LINGO2: variants seen among roughly 807,000 people sequenced by gnomAD.
LINGO2 encodes the protein leucine rich repeat and Ig domain containing 2.
A neutral mutation model predicts 30.6 loss-of-function variants in LINGO2; 14 were observed. The ratio of observed to expected loss-of-function variants is 0.46; its 90% CI spans 0.30 to 0.72. The LOEUF is 0.72. Among genes scored for constraint, LINGO2 ranks in the 30% least tolerant of loss-of-function variants. The pLI is 0.07. For missense variants in LINGO2, 729 were observed against 751.7 expected (o/e 0.97, Z 0.35); for synonymous variants, 317 against 288.5 (o/e 1.10, Z -1.00).
chr9:29,204,460 C>A, the LINGO2 span, among the ~76,000 whole-genome samples: 1 of 152,124 alleles, frequency 6.6e-6, no homozygotes, highest in Non-Finnish European at 1.5e-5. Context: ...TTCCCACAGA[C>A]AATATGTGAC....
chr9:28,674,054 G>T (rs1032224280), upstream of LINGO2, among the ~76,000 whole-genome samples: 8 of 151,882 alleles, frequency 5.3e-5, no homozygotes, highest in Non-Finnish European at 1.2e-4. Context: ...CAGTCTCATA[G>T]TCTTCATGAT....
the LINGO2 span, among the ~76,000 whole-genome samples, chr9:29,170,091 T>C: frequency 4.6e-5 from 7 of 152,276 alleles, no homozygotes; most frequent in East Asian, 1.9e-4. Flanking sequence ...TCAGCAATCC[T>C]ACTACTGGGT....
chr9:28,277,226 T>C (rs926150795), intron 4 of LINGO2, among the ~76,000 whole-genome samples: 2 of 152,196 alleles, frequency 1.3e-5, no homozygotes, highest in Admixed American at 1.3e-4. Context: ...TTTTCATTGT[T>C]AATATATCTG....
At chr9:28,432,497 C>A (rs2134959097) in intron 2 of LINGO2, among the ~76,000 whole-genome samples, 1 of 152,040 alleles carries the variant, frequency 6.6e-6, no homozygotes, top group East Asian at 1.9e-4. Flanking sequence ...GCAAAACTTT[C>A]CCTGTTATTG....
chr9:28,938,968 T>C, the LINGO2 span, among the ~76,000 whole-genome samples: 1 of 152,192 alleles, frequency 6.6e-6, no homozygotes, highest in African/African-American at 2.4e-5. Flanking sequence ...CAGGATAACA[T>C]GCTCTGTCAT....
At chr9:27,949,873 G>A in exon 6 of LINGO2, 1 of 1,614,094 alleles carries the variant, frequency 6.2e-7, no homozygotes. Flanking sequence ...TTAAAGGCAA[G>A]GAAGGGTACA....
At chr9:28,532,482 T>C (rs565068733) in intron 1 of LINGO2, among the ~76,000 whole-genome samples, 1 of 152,174 alleles carries the variant, frequency 6.6e-6, no homozygotes, top group Admixed American at 6.5e-5. Flanking sequence ...TTGTCACTTT[T>C]ATTTGTTACA....
intron 2 of LINGO2, among the ~76,000 whole-genome samples, chr9:28,444,917 G>A (rs1226867312): frequency 2.0e-5 from 3 of 152,194 alleles, no homozygotes; most frequent in Non-Finnish European, 4.4e-5. Context: ...GGCCAAGTGG[G>A]CAGAACTAGC....
chr9:28,097,028 G>A (rs78336947), intron 4 of LINGO2, among the ~76,000 whole-genome samples: 12 of 150,710 alleles, frequency 8.0e-5, no homozygotes, highest in Non-Finnish European at 1.6e-4. Flanking sequence ...TATAATAAAA[G>A]AAACAAAATT....
intron 3 of LINGO2, among the ~76,000 whole-genome samples, chr9:28,355,576 G>C (rs1269256299): frequency 6.6e-6 from 1 of 152,014 alleles, no homozygotes; most frequent in South Asian, 2.1e-4. Flanking sequence ...AAGTGAAGGT[G>C]GGTCTGCAAA....
chr9:29,052,405 T>G, the LINGO2 span, among the ~76,000 whole-genome samples: 1 of 152,254 alleles, frequency 6.6e-6, no homozygotes, highest in African/African-American at 2.4e-5. Flanking sequence ...GCCTTTTACA[T>G]GTATAATGAA....
intron 1 of LINGO2, among the ~76,000 whole-genome samples, chr9:28,580,364 G>C (rs1364706052): frequency 6.6e-6 from 1 of 152,040 alleles, no homozygotes; most frequent in Non-Finnish European, 1.5e-5. Flanking sequence ...CAGCACAGTG[G>C]TTTTAAGGCA....
rs370196696 is a variant in LINGO2, at chr9:28,524,492, C to T, written c.-364-48467G>A. 2.6e-4 allele frequency among the ~76,000 whole-genome samples: 40 copies of T among 152,204 alleles called. No individual in the cohort carries two copies. The South Asian group carries it at 3.3e-3, about 13-fold the overall frequency. On this transcript the variant is annotated intron_variant, in intron 1 of 5. Transcript: ENST00000379992. ...AGGAAGGGCCGGGCGTGGTGGCTCA[C>T]GCCTGTAATCACAACACTTTGGGAG... is the stretch of plus-strand genomic sequence containing the variant.
chr9:28,866,810 C>T, the LINGO2 span, among the ~76,000 whole-genome samples: 1 of 152,140 alleles, frequency 6.6e-6, no homozygotes. Flanking sequence ...TTTAATTGGG[C>T]TCCAACTAGG....
In LINGO2 at chr9:28,370,686, G is replaced by A. The variant is rs189607906; in HGVS notation, c.-246+2150C>T. Among the ~76,000 whole-genome samples the A allele has an allele frequency of 1.7e-4, 26 of 152,234 alleles. No homozygotes were observed. The East Asian group carries it at 2.5e-3, about 15-fold the overall frequency. On this transcript the variant is annotated intron_variant, in intron 3 of 5. Coordinates refer to ENST00000379992, the Ensembl canonical transcript of LINGO2. ...TTTAGCCAACAGATTGGTATGAAAT[G>A]TGTTGTTACAGAAAGGTTTCTATTC... is the stretch of plus-strand genomic sequence containing the variant.
chr9:28,265,635 A>G (rs1270180246), intron 4 of LINGO2, among the ~76,000 whole-genome samples: 3 of 152,008 alleles, frequency 2.0e-5, no homozygotes, highest in African/African-American at 7.2e-5. Flanking sequence ...CTGAAAAAAG[A>G]TGTTCTAACT....
the LINGO2 span, among the ~76,000 whole-genome samples, chr9:29,060,689 G>A: frequency 6.6e-6 from 1 of 151,770 alleles, no homozygotes; most frequent in Admixed American, 6.6e-5. Flanking sequence ...GTTTTTAGAA[G>A]AGAAATATAA....
At chr9:28,861,854 A>C in the LINGO2 span, among the ~76,000 whole-genome samples, 2 of 152,116 alleles carry the variant, frequency 1.3e-5, no homozygotes, top group African/African-American at 4.8e-5. Context: ...AGTGAAATAA[A>C]TATAAAGAAG....
At chr9:28,592,527 C>T (rs1017335845) in intron 1 of LINGO2, among the ~76,000 whole-genome samples, 3 of 152,022 alleles carry the variant, frequency 2.0e-5, no homozygotes, top group African/African-American at 7.2e-5. Context: ...AAGTTCAGAG[C>T]TATATTTTCT....
Sources: allele counts gnomAD v4.1 joint callset (sites outside exome capture counted in the v4.1 genomes callset), GRCh38; gene constraint gnomAD v4.1.1; transcripts MANE v1.5; gene names NCBI Gene and HGNC (gene_info 2026-07-23, HGNC 2026-07-21).